The following PTPN9 variants were observed in gnomAD, a reference collection of about 807,000 sequenced individuals.
The protein encoded by PTPN9 is tyrosine-protein phosphatase non-receptor type 9.
In PTPN9, 26 loss-of-function variants were observed where a neutral mutation model predicts 69.8. The observed-to-expected ratio is 0.37, with a 90% CI of 0.27 to 0.52. PTPN9 has a LOEUF of 0.52. Ranked by LOEUF, PTPN9 falls within the 20% of genes least tolerant of loss-of-function variation. PTPN9 has a pLI of 0.91. For synonymous variants in PTPN9, 274 were observed against 272.5 expected (o/e 1.01, Z -0.05); for missense variants, 549 against 740.3 (o/e 0.74, Z 3.00).
At chr15:75,512,274 C>T (rs1237019352) in intron 5 of PTPN9, among the ~76,000 whole-genome samples, 1 of 151,524 alleles carries the variant, frequency 6.6e-6, no homozygotes, top group East Asian at 1.9e-4. Flanking sequence ...ATGATCATAG[C>T]TCACTGCAGC....
At chr15:75,557,151 G>T (rs751554353) in intron 1 of PTPN9, among the ~76,000 whole-genome samples, 1 of 152,142 alleles carries the variant, frequency 6.6e-6, no homozygotes, top group Non-Finnish European at 1.5e-5. Flanking sequence ...CTGATCAGAC[G>T]CAGTGGCTAA....
chr15:75,515,442 A>AG (rs970933760), intron 5 of PTPN9, among the ~76,000 whole-genome samples: 3 of 151,276 alleles, frequency 2.0e-5, no homozygotes, highest in African/African-American at 7.3e-5. Context: ...AAAAAAAAAA[A>AG]AAAAGAAATC....
chr15:75,499,767 C>A (rs776568364), intron 7 of PTPN9, among the ~76,000 whole-genome samples: 1 of 152,088 alleles, frequency 6.6e-6, no homozygotes, highest in Non-Finnish European at 1.5e-5. Context: ...AAGGGCCTCA[C>A]AGCAGCTGGT....
At chr15:75,524,325 T>C (rs763161979) in intron 2 of PTPN9, 27 bp from the exon 3 acceptor site, 2 of 1,457,286 alleles carry the variant, frequency 1.4e-6, no homozygotes, top group South Asian at 2.3e-5. Context: ...GCAAAATGTA[T>C]TAATATGAAA....
chr15:75,566,393 C>T (rs1000017487), intron 1 of PTPN9, among the ~76,000 whole-genome samples: 4 of 152,170 alleles, frequency 2.6e-5, no homozygotes, highest in African/African-American at 7.2e-5. Context: ...ATAAAAGAAA[C>T]GTAAGTGGCG....
chr15:75,544,486 T>C (rs1291902239), intron 1 of PTPN9, among the ~76,000 whole-genome samples: 1 of 152,174 alleles, frequency 6.6e-6, no homozygotes, highest in Non-Finnish European at 1.5e-5. Context: ...GCTGTGATGA[T>C]GCCACTGTGT....
chr15:75,559,480 G>A (rs568841538), intron 1 of PTPN9, among the ~76,000 whole-genome samples: 59 of 152,162 alleles, frequency 3.9e-4, no homozygotes, highest in Non-Finnish European at 8.2e-4. Context: ...CCCCCAGCCC[G>A]ATGCTCTCTG....
chr15:75,488,659 T>C (rs1042213324), intron 8 of PTPN9, among the ~76,000 whole-genome samples: 10 of 152,016 alleles, frequency 6.6e-5, no homozygotes, highest in Admixed American at 3.9e-4. Context: ...CCATGTGTAA[T>C]GGCGTGTGCC....
chr15:75,573,865 T>C (rs1248653068), intron 1 of PTPN9, among the ~76,000 whole-genome samples: 4 of 152,170 alleles, frequency 2.6e-5, no homozygotes, highest in African/African-American at 9.7e-5. Flanking sequence ...TGAGAACCTA[T>C]TAGGTTAGAA....
intron 1 of PTPN9, among the ~76,000 whole-genome samples, chr15:75,539,693 A>G (rs938031765): frequency 6.6e-6 from 1 of 151,614 alleles, no homozygotes; most frequent in African/African-American, 2.4e-5. Context: ...GTTTTTTGAG[A>G]TAGAATCTCC....
chr15:75,557,424 CA>C (rs375265279), intron 1 of PTPN9, among the ~76,000 whole-genome samples: 27 of 143,264 alleles, frequency 1.9e-4, no homozygotes, highest in Non-Finnish European at 2.6e-4. Context: ...GACTCTGTCT[CA>C]AAAAAAAAAA....
chr15:75,487,094 A>T (rs1165229583), intron 8 of PTPN9, among the ~76,000 whole-genome samples: 1 of 151,998 alleles, frequency 6.6e-6, no homozygotes, highest in Non-Finnish European at 1.5e-5. Flanking sequence ...AAAGTAATGC[A>T]TATATTAACT....
intron 7 of PTPN9, among the ~76,000 whole-genome samples, chr15:75,503,776 G>T (rs1595955002): frequency 1.7e-5 from 2 of 118,506 alleles, no homozygotes; most frequent in South Asian, 5.7e-4. Context: ...AGGTGGGGGG[G>T]GGGTCAGCCC....
At position 75,468,895 on chromosome 15, in the gene PTPN9, G is replaced by T; in HGVS notation, c.1656C>A (p.Thr552=). Residue 552 remains threonine (T), a synonymous_variant, in exon 13 of 13, where the codon ACC becomes ACA. Transcript: ENST00000618819. The part of the protein sequence containing the change: ...NVFQTVSRMR[T]QRAFSIQTPE... ...GGGTCTGGATGCTGAAGGCCCTCTG[G>T]GTCCTCATGCGTGACACCGTCTGGA... 1 of 1,614,120 alleles carries T rather than the reference G, an allele frequency of 6.2e-7. No homozygotes were observed. The highest frequency in any genetic ancestry group is 8.5e-7 in the Non-Finnish European group (1 of 1,180,006).
intron 5 of PTPN9, among the ~76,000 whole-genome samples, chr15:75,515,304 G>C (rs1277896194): frequency 6.6e-6 from 1 of 151,308 alleles, no homozygotes. Context: ...GGTGGGCGCC[G>C]TAGTCCCAAC....
intron 9 of PTPN9, among the ~76,000 whole-genome samples, chr15:75,475,704 T>C (rs1012213272): frequency 1.3e-5 from 2 of 152,218 alleles, no homozygotes; most frequent in African/African-American, 4.8e-5. Context: ...AGAAGTCTGC[T>C]GGTTCTACTA....
chr15:75,490,210 G>A lies in PTPN9; in HGVS notation c.1060C>T (p.Gln354Ter). 6.2e-7 allele frequency: 1 copy of A among 1,603,534 alleles called. No homozygotes were observed. The highest frequency in any genetic ancestry group is 8.5e-7 in the Non-Finnish European group (1 of 1,170,316). Residue 354 changes from glutamine (Q) to a stop codon, truncating the protein, a stop_gained and splice_region_variant, in exon 8 of 13, where the codon CAG (glutamine) becomes TAG (stop). Transcript: ENST00000618819. LOFTEE classifies it high-confidence loss of function. ...AAAGATTACATTTATCTGTCTACCT[G>A]AGTATGGCCACTTCGCTTTGTTAGC... ...VKLTKRSGHT[Q>*]TDYINASFMD... is the part of the protein sequence containing the mutation.
intron 7 of PTPN9, among the ~76,000 whole-genome samples, chr15:75,498,448 C>T (rs2074755583): frequency 6.6e-6 from 1 of 151,944 alleles, no homozygotes; most frequent in Non-Finnish European, 1.5e-5. Flanking sequence ...GGCACGGTGG[C>T]TCACACCTGT....
rs1240182518 is a variant in PTPN9 at position 75,505,969 on chromosome 15, T to C, written c.674A>G (p.His225Arg). The C allele has an allele frequency of 6.2e-7, 1 of 1,613,780 alleles. No individual in the cohort carries two copies. The highest frequency in any genetic ancestry group is 1.7e-5 in the Admixed American group (1 of 59,992). ...QILKTSEVTQ[H>R]LPRECLPENL... ...TTCTGGAAGACACTCCCTGGGCAGA[T>C]GCTGCGTGACCTCAGATGTCTTTAA... Residue 225 changes from histidine to arginine, a missense_variant, in exon 7 of 13, where the codon CAT becomes CGT. Transcript: ENST00000618819.
Sources: allele counts gnomAD v4.1 joint callset (sites outside exome capture counted in the v4.1 genomes callset), GRCh38; gene constraint gnomAD v4.1.1; transcripts MANE v1.5; gene names NCBI Gene and HGNC (gene_info 2026-07-23, HGNC 2026-07-21).